Variants in SLCO3A1 observed in about 807,000 individuals in gnomAD.
SLCO3A1 encodes the protein PGE1 transporter.
Under a neutral mutation model 63.1 loss-of-function variants are expected in SLCO3A1, and 27 were observed. The ratio of observed to expected loss-of-function variants is 0.43; its 90% CI spans 0.32 to 0.59. SLCO3A1 has a LOEUF of 0.59. SLCO3A1 is among the 20% of genes least tolerant of loss of function. The pLI, the probability that SLCO3A1 is intolerant of heterozygous loss-of-function variation, is 0.09. For synonymous variants in SLCO3A1, 473 were observed against 409.9 expected, an observed-to-expected ratio of 1.15 and a Z score of -1.86; for missense variants, 773 against 945.8, an observed-to-expected ratio of 0.82 and a Z score of 2.40.
At chr15:92,073,142 G>A (rs2047236657) in intron 2 of SLCO3A1, among the ~76,000 whole-genome samples, 1 of 152,092 alleles carries the variant, frequency 6.6e-6, no homozygotes, top group Non-Finnish European at 1.5e-5. Context: ...GGAGTCAAAG[G>A]CCTACGCTGG....
intron 9 of SLCO3A1, among the ~76,000 whole-genome samples, chr15:92,161,278 A>T (rs2048433550): frequency 6.6e-6 from 1 of 152,076 alleles, no homozygotes; most frequent in South Asian, 2.1e-4. Flanking sequence ...CTCCCCCTTC[A>T]CTCAGAATCA....
chr15:91,976,575 C>T (rs530763415), intron 2 of SLCO3A1, among the ~76,000 whole-genome samples: 4 of 152,192 alleles, frequency 2.6e-5, no homozygotes, highest in East Asian at 3.9e-4. Context: ...TCAACTCTAT[C>T]GGGGAATCCA....
intron 2 of SLCO3A1, among the ~76,000 whole-genome samples, chr15:92,026,187 G>A (rs971661773): frequency 1.3e-5 from 2 of 152,078 alleles, no homozygotes; most frequent in African/African-American, 2.4e-5. Flanking sequence ...CTTAACTGTC[G>A]TTAGGAAAGG....
chr15:91,887,536 G>A (rs2151353121), intron 1 of SLCO3A1, among the ~76,000 whole-genome samples: 1 of 152,318 alleles, frequency 6.6e-6, no homozygotes, highest in South Asian at 2.1e-4. Context: ...TTTCATTGTG[G>A]CATCTTGGCA....
chr15:92,137,100 T>TCTCCCAATGCTATCC (rs2048068460), intron 7 of SLCO3A1, among the ~76,000 whole-genome samples: 1 of 146,922 alleles, frequency 6.8e-6, no homozygotes, highest in Non-Finnish European at 1.5e-5. Context: ...ATTAGGTATA[T>TCTCCCAATGCTATCC]CTCCCAATGC....
At chr15:91,944,509 CT>C (rs1899734581) in intron 2 of SLCO3A1, among the ~76,000 whole-genome samples, 1 of 152,050 alleles carries the variant, frequency 6.6e-6, no homozygotes, top group Admixed American at 6.5e-5. Flanking sequence ...GGCTTCTGTG[CT>C]TACTTAGCAA....
At chr15:91,961,296 G>T (rs1900436070) in intron 2 of SLCO3A1, among the ~76,000 whole-genome samples, 1 of 152,250 alleles carries the variant, frequency 6.6e-6, no homozygotes, top group African/African-American at 2.4e-5. Context: ...GCCTTGGCAA[G>T]TACTTGTGTT....
downstream of SLCO3A1, among the ~76,000 whole-genome samples, chr15:92,170,108 T>C (rs1488296910): frequency 6.6e-6 from 1 of 152,224 alleles, no homozygotes; most frequent in Admixed American, 6.5e-5. Context: ...TTCATGTTTT[T>C]CTTAACGTTA....
At chr15:92,000,980 T>C (rs1482745604) in intron 2 of SLCO3A1, among the ~76,000 whole-genome samples, 2 of 152,192 alleles carry the variant, frequency 1.3e-5, no homozygotes, top group African/African-American at 4.8e-5. Context: ...AGAGCAAGGC[T>C]GATCAGTCTG....
intron 7 of SLCO3A1, among the ~76,000 whole-genome samples, chr15:92,145,160 C>A (rs937868412): frequency 6.6e-6 from 1 of 152,076 alleles, no homozygotes; most frequent in African/African-American, 2.4e-5. Flanking sequence ...ATGGAGCCCA[C>A]TGAAGAGCTT....
chr15:92,099,828 G>A (rs530586077), intron 3 of SLCO3A1, among the ~76,000 whole-genome samples: 11 of 152,218 alleles, frequency 7.2e-5, no homozygotes, highest in South Asian at 2.1e-4. Context: ...TTGGGAGGCC[G>A]AGGCAGGTGG....
At chr15:92,139,418 G>A (rs543570281) in intron 7 of SLCO3A1, among the ~76,000 whole-genome samples, 9 of 152,176 alleles carry the variant, frequency 5.9e-5, no homozygotes, top group Non-Finnish European at 8.8e-5. Flanking sequence ...GTTCATCAAG[G>A]ATATTGGTCT....
intron 4 of SLCO3A1, among the ~76,000 whole-genome samples, chr15:92,119,012 G>A (rs2047828970): frequency 6.6e-6 from 1 of 152,150 alleles, no homozygotes; most frequent in Admixed American, 6.6e-5. Flanking sequence ...AGCCATAACA[G>A]CCATGAAACC....
chr15:92,090,341 CT>C (rs2047456711), intron 2 of SLCO3A1, among the ~76,000 whole-genome samples: 1 of 152,244 alleles, frequency 6.6e-6, no homozygotes, highest in Non-Finnish European at 1.5e-5. Context: ...TGCCTTACCC[CT>C]GTGAGTTCAC....
rs573036533 is a variant in SLCO3A1, at chr15:92,009,526, C to T, written c.647-85355C>T. Among the ~76,000 whole-genome samples, 7 of 152,144 alleles carry T rather than the reference C, an allele frequency of 4.6e-5. No homozygotes were observed. The South Asian group carries it at 1.2e-3, about 27-fold the overall frequency. ...CTGTGCAATAAGTAAACCAGGGATTCGTGTGTCAGGAAGACAGCAGGCTTT... is the reference window on the plus strand; with the variant it reads ...CTGTGCAATAAGTAAACCAGGGATTTGTGTGTCAGGAAGACAGCAGGCTTT... On this transcript the variant is annotated intron_variant, in intron 2 of 9. Coordinates refer to ENST00000318445, the MANE Select transcript of SLCO3A1 (RefSeq NM_013272.4).
At position 91,862,421 on chromosome 15, in the gene SLCO3A1, GT is replaced by G. The variant is rs1324441232; in HGVS notation, c.180+8337del. Among the ~76,000 whole-genome samples, 1 of 152,120 alleles carries G rather than the reference GT, an allele frequency of 6.6e-6. No individual in the cohort carries two copies. Among genetic ancestry groups the G allele is most frequent in the Non-Finnish European group, 1.5e-5 (1 of 68,022 alleles). ...TCCACTCACCTCAGCCTTAGCATTG[GT>G]TTTGGTTAAAATCTTTGCCCTCTGA... On this transcript the variant is annotated intron_variant, in intron 1 of 9. Transcript: ENST00000318445. This position sits in a 1 kb window ranked among gnomAD's most constrained non-coding sequence, Gnocchi z 4.0.
chr15:92,071,172 G>A lies in SLCO3A1; in HGVS notation c.647-23709G>A, dbSNP rs891675391. 1.3e-4 allele frequency among the ~76,000 whole-genome samples: 20 copies of A among 152,186 alleles called. 1 individual carries two copies. Among genetic ancestry groups the A allele is most frequent in the Admixed American group, 9.8e-4 (15 of 15,284 alleles). The stretch of plus-strand genomic sequence containing the variant: ...AGTGAGCAGGAACTTTGGCCAGGAC[G>A]TTGGAAATACCCTCCTGGGGGCACG... On this transcript the variant is annotated intron_variant, in intron 2 of 9. Transcript: ENST00000318445.
At position 92,165,419 on chromosome 15, in the gene SLCO3A1, T is replaced by C. The variant is rs1292493935; in HGVS notation, c.*2284T>C. ...ATATATTGCTAATAGGTCACTCTTA[T>C]AGATTATTGCTTGGCCCTTCAAACT... is the stretch of plus-strand genomic sequence containing the variant. On this transcript the variant is annotated 3_prime_UTR_variant, in exon 10 of 10. Coordinates refer to ENST00000318445, the MANE Select transcript of SLCO3A1 (RefSeq NM_013272.4). 11 of 985,216 alleles carry C rather than the reference T, an allele frequency of 1.1e-5. No homozygotes were observed. Among genetic ancestry groups the C allele is most frequent in the Admixed American group, 1.2e-4 (2 of 16,268 alleles). The allele number at this position is 985,216 out of a possible 1,614,324, so 61.0% of individuals were successfully genotyped here.
At position 92,139,238 on chromosome 15, in the gene SLCO3A1, T is replaced by C. The variant is rs1423319005; in HGVS notation, c.1513-7746T>C. ...TTCTGCATCTATTGAGATAATCATG[T>C]GGTTTTTGTCTTTGGCTCTGTTTAT... On this transcript the variant is annotated intron_variant, in intron 7 of 9. Transcript: ENST00000318445. 4.5e-3 allele frequency among the ~76,000 whole-genome samples: 668 copies of C among 147,486 alleles called. 4 individuals are homozygous for C. The highest frequency in any genetic ancestry group is 0.016 in the African/African-American group (625 of 39,858).
Sources: gnomAD v4.1 joint callset for allele counts (sites outside exome capture counted in the v4.1 genomes callset) on GRCh38, gnomAD v4.1.1 for gene constraint, Gnocchi (gnomAD v3.1) non-coding constraint, MANE v1.5 for transcripts, NCBI Gene and HGNC (gene_info 2026-07-23, HGNC 2026-07-21) for gene names.